CNTNAP5: variants seen among roughly 807,000 people sequenced by gnomAD.
The protein encoded by CNTNAP5 is contactin associated protein family member 5.
Under a neutral mutation model 150.2 loss-of-function variants are expected in CNTNAP5, and 72 were observed. The observed-to-expected ratio is 0.48, with a 90% CI of 0.40 to 0.58. The LOEUF (loss-of-function observed/expected upper bound fraction) is 0.58. Ranked by LOEUF, CNTNAP5 falls within the 20% of genes least tolerant of loss-of-function variation. The pLI, the probability that CNTNAP5 is intolerant of heterozygous loss-of-function variation, is 0.00. For missense variants in CNTNAP5, 1,636 were observed against 1,626.2 expected (o/e 1.01, Z -0.10); for synonymous variants, 672 against 619.8 (o/e 1.08, Z -1.25).
intron 19 of CNTNAP5, among the ~76,000 whole-genome samples, chr2:124,826,397 A>G (rs940088851): frequency 6.6e-6 from 1 of 152,112 alleles, no homozygotes; most frequent in Non-Finnish European, 1.5e-5. Context: ...AAGAAAACTC[A>G]GGGATGAGTG....
intron 14 of CNTNAP5, among the ~76,000 whole-genome samples, chr2:124,753,525 T>G (rs1203393978): frequency 6.6e-6 from 1 of 152,236 alleles, no homozygotes; most frequent in East Asian, 1.9e-4. Flanking sequence ...CCTACATGCC[T>G]TTTGCTACAG....
chr2:124,142,380 A>G (rs1033787192), intron 1 of CNTNAP5, among the ~76,000 whole-genome samples: 4 of 151,424 alleles, frequency 2.6e-5, no homozygotes, highest in African/African-American at 9.7e-5. Context: ...AATTGACCAC[A>G]TAGTTGGAAG....
chr2:124,914,055 C>G (rs763384793), intron 23 of CNTNAP5, 37 bp from the exon 24 acceptor site: 3 of 1,513,484 alleles, frequency 2.0e-6, no homozygotes, highest in Non-Finnish European at 1.8e-6. Flanking sequence ...TGACTCATGA[C>G]GATTTCCTTC....
At chr2:124,885,098 T>C (rs1471283488) in intron 21 of CNTNAP5, among the ~76,000 whole-genome samples, 1 of 151,926 alleles carries the variant, frequency 6.6e-6, no homozygotes, top group African/African-American at 2.4e-5. Flanking sequence ...GGAGGCCAGG[T>C]ATGATGTCTG....
At chr2:124,391,726 C>T (rs957565808) in intron 3 of CNTNAP5, among the ~76,000 whole-genome samples, 1 of 152,190 alleles carries the variant, frequency 6.6e-6, no homozygotes, top group African/African-American at 2.4e-5. Flanking sequence ...GAGGCCGAGG[C>T]GGGCGGATCA....
chr2:124,453,136 C>T (rs1423780458), intron 6 of CNTNAP5, among the ~76,000 whole-genome samples: 1 of 151,580 alleles, frequency 6.6e-6, no homozygotes, highest in Non-Finnish European at 1.5e-5. Flanking sequence ...AAAAATCATG[C>T]AAGAAGTGAA....
chr2:124,590,973 A>T (rs1696666136), intron 11 of CNTNAP5, among the ~76,000 whole-genome samples: 1 of 152,186 alleles, frequency 6.6e-6, no homozygotes, highest in Non-Finnish European at 1.5e-5. Context: ...AGCTGCCAGA[A>T]CTATATTCAG....
At chr2:124,531,484 AC>A (rs1695107957) in intron 10 of CNTNAP5, among the ~76,000 whole-genome samples, 1 of 152,130 alleles carries the variant, frequency 6.6e-6, no homozygotes, top group Non-Finnish European at 1.5e-5. Flanking sequence ...CTGTTGATAC[AC>A]CCTCTGTAGT....
chr2:124,114,049 G>A (rs1243727021), intron 1 of CNTNAP5, among the ~76,000 whole-genome samples: 1 of 151,652 alleles, frequency 6.6e-6, no homozygotes, highest in East Asian at 1.9e-4. Context: ...TAGATACAAG[G>A]GAAAAAAGTC....
At chr2:124,732,891 A>G (rs1680303255) in intron 13 of CNTNAP5, among the ~76,000 whole-genome samples, 1 of 152,308 alleles carries the variant, frequency 6.6e-6, no homozygotes. Flanking sequence ...TGCCATCACC[A>G]TGAGGGATTT....
chr2:124,485,955 G>C (rs1214770445), intron 7 of CNTNAP5, among the ~76,000 whole-genome samples: 2 of 152,136 alleles, frequency 1.3e-5, no homozygotes, highest in Non-Finnish European at 2.9e-5. Context: ...TCACTACTAG[G>C]TGTCTACCCA....
At chr2:124,848,484 T>A (rs956458325) in intron 19 of CNTNAP5, among the ~76,000 whole-genome samples, 1 of 152,168 alleles carries the variant, frequency 6.6e-6, no homozygotes, top group Admixed American at 6.6e-5. Flanking sequence ...TGCAAATATC[T>A]CTTTGAGGTA....
At chr2:124,307,372 C>A (rs1464551993) in intron 3 of CNTNAP5, among the ~76,000 whole-genome samples, 1 of 152,102 alleles carries the variant, frequency 6.6e-6, no homozygotes, top group Non-Finnish European at 1.5e-5. Flanking sequence ...CTCCAAGTAC[C>A]ATTACACTGG....
At position 124,438,132 on chromosome 2, in the gene CNTNAP5, G is replaced by A. The variant is rs535198184; in HGVS notation, c.733+3445G>A. Among the ~76,000 whole-genome samples the A allele has an allele frequency of 2.6e-5, 4 of 152,178 alleles. No individual in the cohort carries two copies. In the South Asian group the frequency reaches 8.3e-4, roughly 32 times the overall value. On this transcript the variant is annotated intron_variant, in intron 5 of 23. Coordinates refer to ENST00000682447, the MANE Select transcript of CNTNAP5 (RefSeq NM_001367498.1). ...CTAACCCTTACTGTGTCTGGCTTGGGTAGAGACAGTTCTATGGCAAAATTG... is the reference window on the plus strand; with the variant it reads ...CTAACCCTTACTGTGTCTGGCTTGGATAGAGACAGTTCTATGGCAAAATTG...
At chr2:124,504,230 T>C (rs1051488792) in intron 7 of CNTNAP5, 62 bp from the exon 8 acceptor site, 2 of 1,527,482 alleles carry the variant, frequency 1.3e-6, no homozygotes, top group African/African-American at 1.4e-5. Context: ...GTTGTTTATA[T>C]CAGCTGTCAG....
intron 17 of CNTNAP5, among the ~76,000 whole-genome samples, chr2:124,779,847 A>C (rs895374126): frequency 1.8e-4 from 27 of 151,874 alleles, no homozygotes; most frequent in African/African-American, 5.6e-4. Flanking sequence ...ATCCTGGTAC[A>C]CCCCCCTATC....
At chr2:124,211,008 A>G (rs1380815387) in intron 1 of CNTNAP5, among the ~76,000 whole-genome samples, 4 of 152,196 alleles carry the variant, frequency 2.6e-5, no homozygotes, top group African/African-American at 9.7e-5. Context: ...AGCATGATAC[A>G]TGATGCCTGG....
chr2:124,150,224 A>G (rs1684372758), intron 1 of CNTNAP5, among the ~76,000 whole-genome samples: 2 of 152,112 alleles, frequency 1.3e-5, no homozygotes, highest in Non-Finnish European at 2.9e-5. Flanking sequence ...TGTTTGCCCT[A>G]CTATATTTAA....
chr2:124,390,750 A>C (rs190089344), intron 3 of CNTNAP5, among the ~76,000 whole-genome samples: 5 of 152,240 alleles, frequency 3.3e-5, no homozygotes, highest in Admixed American at 3.3e-4. Context: ...ATACAAAAAC[A>C]CTGGGTGTTA....
Sources: gnomAD v4.1 joint callset for allele counts (sites outside exome capture counted in the v4.1 genomes callset) on GRCh38, gnomAD v4.1.1 for gene constraint, MANE v1.5 for transcripts, NCBI Gene and HGNC (gene_info 2026-07-23, HGNC 2026-07-21) for gene names.